ZDHHC13: variants seen among roughly 807,000 people sequenced by gnomAD.
ZDHHC13 encodes palmitoyltransferase ZDHHC13.
Under a neutral mutation model 86.0 loss-of-function variants are expected in ZDHHC13, and 85 were observed. The observed-to-expected ratio is 0.99, with a 90% CI of 0.83 to 1.18. The LOEUF (loss-of-function observed/expected upper bound fraction) is 1.18, where lower values mean the gene tolerates loss of function less well. Among genes scored for constraint, ZDHHC13 ranks in the 50% most tolerant of loss-of-function variants. The pLI is 0.00. For missense variants in ZDHHC13, 711 were observed against 730.2 expected, an observed-to-expected ratio of 0.97 and a Z score of 0.30; for synonymous variants, 263 against 246.4, an observed-to-expected ratio of 1.07 and a Z score of -0.63.
chr11:19,150,380 C>G (rs184070387), intron 5 of ZDHHC13, among the ~76,000 whole-genome samples: 1 of 152,046 alleles, frequency 6.6e-6, no homozygotes, highest in Non-Finnish European at 1.5e-5. Context: ...AATGATAATG[C>G]GAATTAATGT....
intron 16 of ZDHHC13, among the ~76,000 whole-genome samples, chr11:19,174,738 T>C (rs1850313555): frequency 6.6e-6 from 1 of 152,218 alleles, no homozygotes; most frequent in Non-Finnish European, 1.5e-5. Context: ...GGCCTGGGCC[T>C]TGAGAACTGG....
At position 19,117,306 on chromosome 11, in the gene ZDHHC13, G is replaced by T; in HGVS notation, c.27+30G>T. 1.4e-6 allele frequency: 2 copies of T among 1,452,272 alleles called. No individual in the cohort carries two copies. The highest frequency in any genetic ancestry group is 1.5e-5 in the African/African-American group (1 of 68,426). The allele number at this position is 1,452,272 out of a possible 1,614,324, so 90.0% of individuals were successfully genotyped here. On this transcript the variant is annotated intron_variant, in intron 1 of 16. Transcript: ENST00000446113. The surrounding 1 kb of genome is among the most constrained non-coding windows in gnomAD (Gnocchi z 4.2). ...GTGCGGCCGGGCGGTGGCTGTCCTG[G>T]GGGCCGGGAGAGCGGCTGCAGCTGT...
chr11:19,167,202 G>A (rs1850095061), intron 14 of ZDHHC13: 1 of 152,080 alleles, frequency 6.6e-6, no homozygotes, highest in Non-Finnish European at 1.5e-5. Context: ...TAAACACAGA[G>A]GCTTCACTTC....
chr11:19,167,233 T>C (rs1179701773), intron 14 of ZDHHC13: 1 of 152,214 alleles, frequency 6.6e-6, no homozygotes, highest in Non-Finnish European at 1.5e-5. Flanking sequence ...CTTGTTACAT[T>C]CTTGGTCAAA....
At chr11:19,129,863 C>T (rs1367717219) in intron 1 of ZDHHC13, among the ~76,000 whole-genome samples, 7 of 151,990 alleles carry the variant, frequency 4.6e-5, no homozygotes, top group African/African-American at 2.4e-5. Context: ...GAGGCCGAGG[C>T]GGGTGGATCA....
chr11:19,148,893 G>T (rs1849537661), intron 4 of ZDHHC13: 15 of 200,770 alleles, frequency 7.5e-5, no homozygotes, highest in Middle Eastern at 1.8e-3. Flanking sequence ...GGCAGATGTT[G>T]CAGTGAGCTG....
Position 19,175,907 on chromosome 11 carries a change from C to G in ZDHHC13, c.1816C>G (p.Gln606Glu). 4 of 1,613,366 alleles carry G rather than the reference C, an allele frequency of 2.5e-6. No homozygotes were observed. The highest frequency in any genetic ancestry group is 3.4e-6 in the Non-Finnish European group (4 of 1,179,706). ...VKPCVVDWTS[Q>E]YTMVFHPARE... ...GCCCTGTGTGGTAGATTGGACATCA[C>G]AGTACACCATGGTCTTTCACCCAGC... Residue 606 changes from glutamine (Q) to glutamate (E), a missense_variant, in exon 17 of 17, where the codon CAG becomes GAG. Gln to Glu is a conservative substitution (Grantham distance 29, BLOSUM62 2). Coordinates refer to ENST00000446113, the MANE Select transcript of ZDHHC13 (RefSeq NM_019028.3).
At chr11:19,140,029 C>T (rs550717044) in intron 1 of ZDHHC13, among the ~76,000 whole-genome samples, 107 of 150,124 alleles carry the variant, frequency 7.1e-4, no homozygotes, top group Non-Finnish European at 1.3e-3. Flanking sequence ...TCTAAAACAC[C>T]AAAAGCAATG....
chr11:19,145,614 G>T lies in ZDHHC13; in HGVS notation c.174-567G>T, dbSNP rs116449425. On this transcript the variant is annotated intron_variant, in intron 2 of 16. Coordinates refer to ENST00000446113, the MANE Select transcript of ZDHHC13 (RefSeq NM_019028.3). ...TGCTTTTATTTCTCTGAACATCCAT[G>T]TAGTTTCACATTGCTGATTTTTGTA... Among the ~76,000 whole-genome samples the T allele has an allele frequency of 6.8e-3, 1,043 of 152,270 alleles. 9 individuals carry two copies. Among genetic ancestry groups the T allele is most frequent in the African/African-American group, 0.024 (984 of 41,552 alleles).
At chr11:19,160,922 A>G (rs1362204799) in intron 10 of ZDHHC13, among the ~76,000 whole-genome samples, 1 of 151,930 alleles carries the variant, frequency 6.6e-6, no homozygotes, top group African/African-American at 2.4e-5. Context: ...TTCCATAGCT[A>G]GACAGAATCT....
chr11:19,141,365 C>T (rs1849315610), intron 1 of ZDHHC13, among the ~76,000 whole-genome samples: 1 of 152,068 alleles, frequency 6.6e-6, no homozygotes, highest in Admixed American at 6.6e-5. Flanking sequence ...GAAACAGAAA[C>T]TTTGATCATC....
At chr11:19,128,511 A>G (rs1848923585) in intron 1 of ZDHHC13, among the ~76,000 whole-genome samples, 1 of 152,200 alleles carries the variant, frequency 6.6e-6, no homozygotes, top group East Asian at 1.9e-4. Flanking sequence ...GAGAGCAGGC[A>G]TCCTTGTCTT....
chr11:19,175,955 G>A lies in ZDHHC13; in HGVS notation c.1864G>A (p.Val622Ile). The stretch of plus-strand genomic sequence containing the variant: ...AGCCAGGGAGAAGGTTCTTCGCTCA[G>A]TATGAAGAAAAGCAACCCAAAACTC... ...HPAREKVLRS[V>I] The change falls in exon 17 of 17, where the codon GTA becomes ATA. Residue 622 changes from valine (V) to isoleucine (I), a missense_variant. Coordinates refer to ENST00000446113, the MANE Select transcript of ZDHHC13 (RefSeq NM_019028.3). The A allele has an allele frequency of 6.3e-7, 1 of 1,599,556 alleles. No homozygotes were observed. Among genetic ancestry groups the A allele is most frequent in the South Asian group, 1.1e-5 (1 of 87,184 alleles).
chr11:19,131,496 A>G (rs1214935781), intron 1 of ZDHHC13, among the ~76,000 whole-genome samples: 1 of 152,100 alleles, frequency 6.6e-6, no homozygotes, highest in Non-Finnish European at 1.5e-5. Flanking sequence ...AACTGCAATT[A>G]TACATCTTCA....
In ZDHHC13 at chr11:19,152,708, T is replaced by C; in HGVS notation, c.873+24T>C. The stretch of plus-strand genomic sequence containing the variant: ...AGGTATTTTCATATGGGGTCTTTTC[T>C]ATGGGATAGATGACTTTTTTTGTTC... On this transcript the variant is annotated intron_variant, in intron 8 of 16. Transcript: ENST00000446113. 1.9e-6 allele frequency: 3 copies of C among 1,612,228 alleles called. No individual in the cohort carries two copies. In the African/African-American group the frequency reaches 4.0e-5, roughly 22 times the overall value.
At chr11:19,147,158 A>T (rs1849488206) in intron 3 of ZDHHC13, among the ~76,000 whole-genome samples, 1 of 152,194 alleles carries the variant, frequency 6.6e-6, no homozygotes, top group Admixed American at 6.5e-5. Flanking sequence ...TTAATTCTTT[A>T]CTACTTACTT....
chr11:19,158,181 T>A (rs1849810240), intron 9 of ZDHHC13, among the ~76,000 whole-genome samples: 1 of 150,538 alleles, frequency 6.6e-6, no homozygotes, highest in Admixed American at 6.6e-5. Context: ...TGGTAGCTAA[T>A]TTTTTTTAAC....
At position 19,164,355 on chromosome 11, in the gene ZDHHC13, T is replaced by A. The variant is rs1849996649; in HGVS notation, c.1288T>A (p.Ser430Thr). The change falls in exon 12 of 17, where the codon TCA (serine) becomes ACA (threonine). Residue 430 changes from serine (S) to threonine (T), a missense_variant. Transcript: ENST00000446113. ...TCTGGACTTCAGAACATTTTGTACA[T>A]CATGTCTTGTGAGTTTTTTCATATA... The part of the protein sequence containing the change: ...GSLDFRTFCT[S>T]CLIRKPLRSL... The A allele has an allele frequency of 6.2e-7, 1 of 1,613,000 alleles. No individual in the cohort carries two copies. Among genetic ancestry groups the A allele is most frequent in the Middle Eastern group, 1.7e-4 (1 of 6,054 alleles).
In ZDHHC13 at chr11:19,136,323, G is replaced by A. The variant is rs1033403662; in HGVS notation, c.28-6655G>A. Among the ~76,000 whole-genome samples, 1,042 of 152,316 alleles carry A rather than the reference G, an allele frequency of 6.8e-3. 9 individuals carry two copies. Among genetic ancestry groups the A allele is most frequent in the African/African-American group, 0.024 (984 of 41,576 alleles). Reference sequence around the variant, plus strand: ...CGATCAACTGGAAGAAAGGGTATCAGTGATGGAAGATGAAGTGAATGAAAT... The same window carrying A: ...CGATCAACTGGAAGAAAGGGTATCAATGATGGAAGATGAAGTGAATGAAAT... On this transcript the variant is annotated intron_variant, in intron 1 of 16. Transcript: ENST00000446113.
Sources: gnomAD v4.1 joint callset for allele counts (sites outside exome capture counted in the v4.1 genomes callset) on GRCh38, gnomAD v4.1.1 for gene constraint, Gnocchi (gnomAD v3.1) non-coding constraint, MANE v1.5 for transcripts, NCBI Gene and HGNC (gene_info 2026-07-23, HGNC 2026-07-21) for gene names.